CRACR2A: variants seen among roughly 807,000 people sequenced by gnomAD.
CRACR2A encodes calcium release activated channel regulator 2A, also known as EF-hand calcium-binding domain-containing protein 4B.
Under a neutral mutation model 90.5 loss-of-function variants are expected in CRACR2A, and 79 were observed. The observed-to-expected ratio is 0.87, with a 90% confidence interval of 0.73 to 1.05. The LOEUF (loss-of-function observed/expected upper bound fraction) is 1.05. CRACR2A is among the 50% of genes least tolerant of loss of function. CRACR2A has a pLI of 0.00. For synonymous variants in CRACR2A, 338 were observed against 356.7 expected (o/e 0.95, Z 0.59); for missense variants, 823 against 897.2 (o/e 0.92, Z 1.06).
chr12:3,644,229 T>C (rs575067576), intron 12 of CRACR2A, among the ~76,000 whole-genome samples: 1 of 151,782 alleles, frequency 6.6e-6, no homozygotes, highest in African/African-American at 2.4e-5. Flanking sequence ...AAAATTTTCA[T>C]CGAGATAAAA....
At chr12:3,703,065 G>A (rs755961293) in intron 3 of CRACR2A, among the ~76,000 whole-genome samples, 2 of 152,184 alleles carry the variant, frequency 1.3e-5, no homozygotes, top group Admixed American at 1.3e-4. Context: ...AAATGATACT[G>A]AAACAATTGA....
chr12:3,673,812 T>C (rs1024341641), intron 6 of CRACR2A, among the ~76,000 whole-genome samples: 3 of 152,168 alleles, frequency 2.0e-5, no homozygotes, highest in African/African-American at 7.2e-5. Flanking sequence ...GGAGCTGCAA[T>C]TACCCCATTT....
At chr12:3,682,100 G>A (rs534440865) in intron 4 of CRACR2A, among the ~76,000 whole-genome samples, 1 of 152,318 alleles carries the variant, frequency 6.6e-6, no homozygotes, top group East Asian at 1.9e-4. Flanking sequence ...GATTTTATTA[G>A]CATCATTGGA....
intron 7 of CRACR2A, among the ~76,000 whole-genome samples, chr12:3,670,304 G>A (rs1044995156): frequency 3.3e-5 from 5 of 152,108 alleles, no homozygotes; most frequent in South Asian, 2.1e-4. Context: ...GTGTGGAGGC[G>A]CCTGGGAGAT....
intron 7 of CRACR2A, 36 bp downstream of exon 7, chr12:3,673,410 A>G (rs1293767469): frequency 6.3e-7 from 1 of 1,587,430 alleles, no homozygotes; most frequent in Admixed American, 1.9e-5. Context: ...TTTTTCACAC[A>G]TAGTTACAGA....
Position 3,711,216 on chromosome 12 carries a change from G to C in CRACR2A, c.-37+2021C>G, listed in dbSNP as rs1463827629. Among the ~76,000 whole-genome samples the C allele has an allele frequency of 2.0e-5, 3 of 152,142 alleles. No individual in the cohort carries two copies. The highest frequency in any genetic ancestry group is 7.2e-5 in the African/African-American group (3 of 41,408). On this transcript the variant is annotated intron_variant, in intron 3 of 19. Coordinates refer to ENST00000440314, the MANE Select transcript of CRACR2A (RefSeq NM_001144958.2). The surrounding 1 kb of genome is among the most constrained non-coding windows in gnomAD (Gnocchi z 4.3). ...TTAGGTGCTTCCAAAAACAATGATG[G>C]GACAGGGGCACGACAGATGTTCCAT...
At chr12:3,626,403 A>C (rs539536226) in intron 17 of CRACR2A, among the ~76,000 whole-genome samples, 1 of 152,382 alleles carries the variant, frequency 6.6e-6, no homozygotes, top group African/African-American at 2.4e-5. Context: ...TTCTGTTCTT[A>C]GGCAGCACGG....
intron 2 of CRACR2A, among the ~76,000 whole-genome samples, chr12:3,725,098 C>G (rs1946239615): frequency 6.6e-6 from 1 of 152,148 alleles, no homozygotes; most frequent in Non-Finnish European, 1.5e-5. Flanking sequence ...TTCCCTCCAG[C>G]CAGGCCTCCC....
intron 3 of CRACR2A, among the ~76,000 whole-genome samples, chr12:3,698,541 AG>A (rs1047212653): frequency 2.6e-5 from 4 of 152,220 alleles, no homozygotes; most frequent in Non-Finnish European, 5.9e-5. Flanking sequence ...TCATGTAATA[AG>A]GCCTTGACAT....
At chr12:3,643,520 G>A (rs1007116180) in intron 12 of CRACR2A, among the ~76,000 whole-genome samples, 3 of 151,696 alleles carry the variant, frequency 2.0e-5, no homozygotes, top group South Asian at 2.1e-4. Context: ...CTGATAATTA[G>A]GAAGTCACAT....
intron 2 of CRACR2A, among the ~76,000 whole-genome samples, chr12:3,723,541 G>GATGCCTAGGGATGCCCCTAGGT (rs1267849677): frequency 6.6e-6 from 1 of 152,002 alleles, no homozygotes; most frequent in East Asian, 1.9e-4. Flanking sequence ...GGCACAGAGA[G>GATGCCTAGGGATGCCCCTAGGT]ATGCCTAGGG....
intron 7 of CRACR2A, among the ~76,000 whole-genome samples, chr12:3,664,827 C>T (rs1230679721): frequency 6.6e-6 from 1 of 152,090 alleles, no homozygotes; most frequent in Non-Finnish European, 1.5e-5. Flanking sequence ...ACCAACATGG[C>T]GAAATCCCCT....
intron 14 of CRACR2A, among the ~76,000 whole-genome samples, chr12:3,637,669 C>G (rs1435907573): frequency 6.6e-6 from 1 of 150,602 alleles, no homozygotes; most frequent in Non-Finnish European, 1.5e-5. Flanking sequence ...CCCACCCTAT[C>G]TAAAAAAAAA....
At chr12:3,716,233 C>G (rs1016173818) in intron 2 of CRACR2A, among the ~76,000 whole-genome samples, 2 of 152,194 alleles carry the variant, frequency 1.3e-5, no homozygotes, top group Non-Finnish European at 2.9e-5. Flanking sequence ...GACTGGTCCA[C>G]ATTTGCTTTA....
chr12:3,682,397 C>G (rs1361587375), intron 4 of CRACR2A, among the ~76,000 whole-genome samples: 1 of 152,174 alleles, frequency 6.6e-6, no homozygotes, highest in African/African-American at 2.4e-5. Flanking sequence ...CCTTAGGCAC[C>G]ATTCCTGAAT....
intron 19 of CRACR2A, among the ~76,000 whole-genome samples, chr12:3,616,283 T>C (rs1230928940): frequency 6.6e-6 from 1 of 152,220 alleles, no homozygotes; most frequent in Admixed American, 6.5e-5. Flanking sequence ...GAGCACAAAA[T>C]GGGCTCTGTT....
chr12:3,667,967 T>C (rs1945177164), intron 7 of CRACR2A, among the ~76,000 whole-genome samples: 1 of 152,236 alleles, frequency 6.6e-6, no homozygotes, highest in Non-Finnish European at 1.5e-5. Flanking sequence ...GATGGATGGT[T>C]TCTTCCAAAT....
chr12:3,674,619 A>C (rs1197037118), intron 6 of CRACR2A, among the ~76,000 whole-genome samples: 1 of 152,264 alleles, frequency 6.6e-6, no homozygotes, highest in African/African-American at 2.4e-5. Context: ...TAAACAGTAG[A>C]GTTCAAGTGA....
intron 18 of CRACR2A, 40 bp downstream of exon 18, chr12:3,619,231 T>C (rs17770235): frequency 0.074 from 112,241 of 1,514,894 alleles, 4,434 homozygotes; most frequent in Middle Eastern, 0.096. Context: ...TCCCTCGGGG[T>C]CACACTCTGT....
Sources: gnomAD v4.1 joint callset for allele counts (sites outside exome capture counted in the v4.1 genomes callset) on GRCh38, gnomAD v4.1.1 for gene constraint, Gnocchi (gnomAD v3.1) non-coding constraint, MANE v1.5 for transcripts, NCBI Gene and HGNC (gene_info 2026-07-23, HGNC 2026-07-21) for gene names.